The following PRKCH variants were observed in gnomAD, a reference collection of about 807,000 sequenced individuals.
PRKCH encodes the protein protein kinase C eta type.
In PRKCH, 28 loss-of-function variants were observed where a neutral mutation model predicts 82.5. That is an observed-to-expected ratio of 0.34 (90% CI 0.25 to 0.47). The LOEUF is 0.47. PRKCH is among the 20% of genes least tolerant of loss of function. The probability of loss-of-function intolerance (pLI) is 1.00; values close to 1 mark genes in which losing one functional copy is unlikely to be tolerated. For missense variants in PRKCH, 705 were observed against 881.8 expected, an observed-to-expected ratio of 0.80 and a Z score of 2.54; for synonymous variants, 322 against 327.4, an observed-to-expected ratio of 0.98 and a Z score of 0.18.
In PRKCH at chr14:61,391,796, A is replaced by G. The variant is rs76044045; in HGVS notation, c.427+508A>G. On this transcript the variant is annotated intron_variant, in intron 2 of 13. Coordinates refer to ENST00000332981, the MANE Select transcript of PRKCH (RefSeq NM_006255.5). ...GAGGTAAAATTTATATGGGGGTGAA[A>G]TGATAGATCAGAAGTGAACAATTTG... Among the ~76,000 whole-genome samples, 1,335 of 152,240 alleles carry G rather than the reference A, an allele frequency of 8.8e-3. 15 individuals carry two copies. The highest frequency in any genetic ancestry group is 0.031 in the African/African-American group (1,279 of 41,532).
rs143955720 is a variant in PRKCH, at chr14:61,217,722, G to A, written c.-19+30054G>A. On this transcript the variant is annotated intron_variant, in intron 1 of 3. Coordinates refer to the PRKCH transcript ENST00000555185. ...CAGGCCAGGGAGGAAGGTTATTCTG[G>A]CATTTGAAAGAATGAAAACATTGTC... Among the ~76,000 whole-genome samples, 281 of 152,288 alleles carry A rather than the reference G, an allele frequency of 1.8e-3. 2 individuals are homozygous for A. The highest frequency in any genetic ancestry group is 6.5e-3 in the African/African-American group (271 of 41,554).
chr14:61,374,806 A>G (rs138293547), intron 1 of PRKCH, among the ~76,000 whole-genome samples: 14 of 151,280 alleles, frequency 9.3e-5, no homozygotes, highest in Admixed American at 3.9e-4. Flanking sequence ...GGGTACTGTG[A>G]AGATCTTGGA....
chr14:61,529,481 A>C (rs945627777), intron 11 of PRKCH, among the ~76,000 whole-genome samples: 2 of 151,986 alleles, frequency 1.3e-5, no homozygotes, highest in African/African-American at 2.4e-5. Context: ...CATTATTCAC[A>C]ATAGCAAAGA....
Position 61,276,519 on chromosome 14 carries a change from C to G in PRKCH, c.-19+88851C>G, listed in dbSNP as rs181018771. 5.9e-3 allele frequency among the ~76,000 whole-genome samples: 900 copies of G among 152,024 alleles called. 3 individuals are homozygous for G. Among genetic ancestry groups the G allele is most frequent in the African/African-American group, 0.021 (855 of 41,490 alleles). On this transcript the variant is annotated intron_variant, in intron 1 of 3. Transcript: ENST00000555185. ...TACAGGCGCCCACCACCACACCTGG[C>G]TGATTTTTGTATTTTTATTAGAGGC...
intron 1 of PRKCH, chr14:61,278,952 G>A (rs1359641595): frequency 6.9e-6 from 1 of 144,530 alleles, no homozygotes; most frequent in Non-Finnish European, 1.5e-5. Context: ...CAAGGGAAAA[G>A]GTATGAATGA....
At chr14:61,399,403 A>G (rs991415311) in intron 2 of PRKCH, among the ~76,000 whole-genome samples, 2 of 152,186 alleles carry the variant, frequency 1.3e-5, no homozygotes, top group African/African-American at 4.8e-5. Context: ...GGGTTTTTTA[A>G]TGTATATGTT....
intron 9 of PRKCH, among the ~76,000 whole-genome samples, chr14:61,465,127 C>T (rs1437446863): frequency 2.0e-5 from 3 of 152,218 alleles, no homozygotes; most frequent in Non-Finnish European, 4.4e-5. Context: ...GATATTAACT[C>T]CTTATCCAGA....
intron 1 of PRKCH, among the ~76,000 whole-genome samples, chr14:61,216,568 C>T (rs1020910257): frequency 6.6e-6 from 1 of 152,148 alleles, no homozygotes; most frequent in Non-Finnish European, 1.5e-5. Context: ...GAGATGTTTG[C>T]AGAACTTCTG....
intron 1 of PRKCH, chr14:61,279,990 A>G (rs1038985041): frequency 1.4e-5 from 14 of 1,030,034 alleles, no homozygotes; most frequent in Non-Finnish European, 2.0e-5. Context: ...AGGGAGGAAA[A>G]GCTAGGCGAG....
At chr14:61,383,648 T>G (rs1957906) in intron 1 of PRKCH, among the ~76,000 whole-genome samples, 47,908 of 151,280 alleles carry the variant, frequency 0.32, 11,896 homozygotes, top group African/African-American at 0.7. Context: ...TTGAGTACCT[T>G]GCAGTTGTCC....
chr14:61,480,032 G>A (rs1466174976), intron 9 of PRKCH, among the ~76,000 whole-genome samples: 6 of 152,328 alleles, frequency 3.9e-5, no homozygotes, highest in East Asian at 1.9e-4. Context: ...ATGTTAAACC[G>A]GTCTCCTGGC....
chr14:61,330,869 C>G (rs1176540780), intron 1 of PRKCH, among the ~76,000 whole-genome samples: 1 of 152,120 alleles, frequency 6.6e-6, no homozygotes, highest in Non-Finnish European at 1.5e-5. Flanking sequence ...GGTGTCCAAT[C>G]TTTTGGCTTC....
intron 1 of PRKCH, among the ~76,000 whole-genome samples, chr14:61,255,554 G>C (rs1051649928): frequency 6.6e-6 from 1 of 152,126 alleles, no homozygotes; most frequent in Non-Finnish European, 1.5e-5. Flanking sequence ...AGTCTTGTAA[G>C]AGGCAAATTC....
chr14:61,394,266 TA>T (rs56112718), intron 2 of PRKCH, among the ~76,000 whole-genome samples: 136,612 of 150,384 alleles, frequency 0.91, 63,446 homozygotes, highest in East Asian at 1. Flanking sequence ...ATACTTGACA[TA>T]AAAAAAAAAA....
At chr14:61,362,340 T>TAAA (rs10591516) in intron 1 of PRKCH, among the ~76,000 whole-genome samples, 30 of 125,520 alleles carry the variant, frequency 2.4e-4, no homozygotes, top group African/African-American at 7.7e-4. Flanking sequence ...CATCTTGTCT[T>TAAA]AAAAAAAAAA....
rs184805512 is a variant in PRKCH, at chr14:61,384,258, G to T, written c.364-6967G>T. Among the ~76,000 whole-genome samples the T allele has an allele frequency of 1.2e-3, 186 of 152,278 alleles. 1 individual carries two copies. The highest frequency in any genetic ancestry group is 2.1e-3 in the Non-Finnish European group (146 of 68,036). On this transcript the variant is annotated intron_variant, in intron 1 of 13. Coordinates refer to ENST00000332981, the MANE Select transcript of PRKCH (RefSeq NM_006255.5). The stretch of plus-strand genomic sequence containing the variant: ...ACTGGAAGCTTTAGGAGGAAACATG[G>T]GATTGGAGCCCTTTAAAGCTGGAAT...
chr14:61,210,350 A>G (rs2044565154), intron 1 of PRKCH, among the ~76,000 whole-genome samples: 1 of 151,874 alleles, frequency 6.6e-6, no homozygotes, highest in Non-Finnish European at 1.5e-5. Flanking sequence ...CTTGGACACC[A>G]GGACGTACAG....
intron 10 of PRKCH, among the ~76,000 whole-genome samples, chr14:61,489,717 T>C (rs1452898516): frequency 6.6e-6 from 1 of 152,318 alleles, no homozygotes; most frequent in East Asian, 1.9e-4. Context: ...TCTTGGCCGA[T>C]TGGAAGGCCA....
At chr14:61,334,600 G>A (rs2045830240) in intron 1 of PRKCH, among the ~76,000 whole-genome samples, 1 of 152,164 alleles carries the variant, frequency 6.6e-6, no homozygotes, top group African/African-American at 2.4e-5. Flanking sequence ...AGCTTGGCAG[G>A]TGGAAAAACA....
Sources: allele counts gnomAD v4.1 joint callset (sites outside exome capture counted in the v4.1 genomes callset), GRCh38; gene constraint gnomAD v4.1.1; transcripts MANE v1.5; gene names NCBI Gene and HGNC (gene_info 2026-07-23, HGNC 2026-07-21).